Variants in UBL3 observed in about 807,000 individuals in gnomAD.
UBL3 encodes the protein ubiquitin like 3.
Under a neutral mutation model 18.4 loss-of-function variants are expected in UBL3, and 6 were observed. The ratio of observed to expected loss-of-function variants is 0.33; its 90% CI spans 0.18 to 0.64. The LOEUF is 0.64. Ranked by LOEUF, UBL3 falls within the 30% of genes least tolerant of loss-of-function variation. The pLI is 0.76. For synonymous variants in UBL3, 49 were observed against 46.6 expected (o/e 1.05, Z -0.21); for missense variants, 109 against 142.9 (o/e 0.76, Z 1.21).
chr13:29,780,929 T>A (rs1024263062), intron 1 of UBL3, among the ~76,000 whole-genome samples: 1 of 152,170 alleles, frequency 6.6e-6, no homozygotes, highest in African/African-American at 2.4e-5. Flanking sequence ...ATCCCAGCAC[T>A]TTGCGAGGCT....
chr13:29,806,380 C>A (rs1877900184), intron 1 of UBL3, among the ~76,000 whole-genome samples: 1 of 152,092 alleles, frequency 6.6e-6, no homozygotes, highest in Admixed American at 6.5e-5. Context: ...AGAAAAATAT[C>A]CAGAAAATAT....
chr13:29,813,619 A>G (rs1236332689), intron 1 of UBL3, among the ~76,000 whole-genome samples: 1 of 152,244 alleles, frequency 6.6e-6, no homozygotes, highest in Non-Finnish European at 1.5e-5. Flanking sequence ...AAATTGTATT[A>G]GTTGTAAGTA....
chr13:29,835,127 TATATATATA>T (rs1878910049), intron 1 of UBL3, among the ~76,000 whole-genome samples: 1 of 3,326 alleles, frequency 3.0e-4, no homozygotes, highest in African/African-American at 1.5e-3. Context: ...TATATATAAA[TATATATATA>T]TATATATATA....
intron 1 of UBL3, among the ~76,000 whole-genome samples, chr13:29,826,857 T>C (rs1361554878): frequency 6.6e-6 from 1 of 152,242 alleles, no homozygotes; most frequent in Non-Finnish European, 1.5e-5. Flanking sequence ...CTGCTTTAAA[T>C]GTGTCCCTGA....
chr13:29,782,581 T>C (rs1877205398), intron 1 of UBL3, among the ~76,000 whole-genome samples: 1 of 152,168 alleles, frequency 6.6e-6, no homozygotes, highest in African/African-American at 2.4e-5. Context: ...TTACTCCCCC[T>C]GGCCTGCTTC....
At chr13:29,770,441 TA>T (rs1382329273) in intron 3 of UBL3, among the ~76,000 whole-genome samples, 4 of 152,066 alleles carry the variant, frequency 2.6e-5, no homozygotes, top group African/African-American at 9.7e-5. Flanking sequence ...AAAATACTGG[TA>T]AAAAATTATA....
chr13:29,769,098 AAC>A (rs534305915), intron 3 of UBL3, among the ~76,000 whole-genome samples: 155 of 152,242 alleles, frequency 1.0e-3, no homozygotes, highest in African/African-American at 3.6e-3. Flanking sequence ...CATTAAATCA[AAC>A]AATCCAAGCA....
intron 1 of UBL3, among the ~76,000 whole-genome samples, chr13:29,826,530 G>T (rs1216166665): frequency 2.0e-5 from 3 of 152,136 alleles, no homozygotes; most frequent in Admixed American, 2.0e-4. Context: ...ATTTCTGTGG[G>T]ATCAGTGGTG....
At chr13:29,784,792 G>A (rs1464797416) in intron 1 of UBL3, among the ~76,000 whole-genome samples, 1 of 151,980 alleles carries the variant, frequency 6.6e-6, no homozygotes, top group Non-Finnish European at 1.5e-5. Context: ...GTTGGTACAG[G>A]AATCTATTTG....
intron 1 of UBL3, among the ~76,000 whole-genome samples, chr13:29,831,507 G>T (rs541099175): frequency 1.7e-4 from 26 of 151,064 alleles, no homozygotes; most frequent in African/African-American, 6.1e-4. Context: ...AGAATCGCTT[G>T]AACCAGGGAG....
In UBL3 at chr13:29,767,195, T is replaced by C; in HGVS notation, c.*60A>G. Reference sequence around the variant, plus strand: ...CGGTTTCTGAAGCAATGTCGGGTCTTTTCTGTCCCAGCAGCATGAAAGACA... The same window carrying C: ...CGGTTTCTGAAGCAATGTCGGGTCTCTTCTGTCCCAGCAGCATGAAAGACA... On this transcript the variant is annotated 3_prime_UTR_variant, in exon 5 of 5. Transcript: ENST00000380680. 3.1e-6 allele frequency: 5 copies of C among 1,598,584 alleles called. No homozygotes were observed.
intron 1 of UBL3, among the ~76,000 whole-genome samples, chr13:29,820,943 A>G (rs1028004306): frequency 6.6e-6 from 1 of 152,236 alleles, no homozygotes; most frequent in Admixed American, 6.5e-5. Flanking sequence ...TAGGCTCTGG[A>G]AACAGAATGC....
chr13:29,799,064 AC>A (rs1050810492), intron 1 of UBL3, among the ~76,000 whole-genome samples: 2 of 152,234 alleles, frequency 1.3e-5, no homozygotes, highest in African/African-American at 4.8e-5. Flanking sequence ...GGGTTTCTCA[AC>A]CTCAGCACAA....
intron 1 of UBL3, among the ~76,000 whole-genome samples, chr13:29,816,690 G>C (rs1322773756): frequency 4.7e-5 from 7 of 147,530 alleles, no homozygotes; most frequent in Non-Finnish European, 8.9e-5. Flanking sequence ...ATGAGTTCAT[G>C]GTTGCAGTAA....
intron 1 of UBL3, among the ~76,000 whole-genome samples, chr13:29,796,079 A>C (rs981253857): frequency 1.9e-4 from 29 of 152,162 alleles, no homozygotes; most frequent in African/African-American, 6.5e-4. Flanking sequence ...ACCGCAAAGG[A>C]AGAAGCATGT....
intron 1 of UBL3, among the ~76,000 whole-genome samples, chr13:29,830,166 G>A (rs1406888977): frequency 6.6e-6 from 1 of 152,058 alleles, no homozygotes; most frequent in Non-Finnish European, 1.5e-5. Context: ...GTCCATCCTG[G>A]GATAGCCACT....
chr13:29,779,652 C>A (rs1877095128), intron 1 of UBL3, among the ~76,000 whole-genome samples: 1 of 152,114 alleles, frequency 6.6e-6, no homozygotes, highest in Non-Finnish European at 1.5e-5. Context: ...CATGGAAATC[C>A]ATGCAGCTGT....
At chr13:29,812,763 G>A (rs903500271) in intron 1 of UBL3, among the ~76,000 whole-genome samples, 1 of 151,882 alleles carries the variant, frequency 6.6e-6, no homozygotes, top group Non-Finnish European at 1.5e-5. Flanking sequence ...TCTGACATCT[G>A]AATTCAGATG....
chr13:29,773,954 T>C (rs1876914825), intron 2 of UBL3, among the ~76,000 whole-genome samples: 1 of 152,174 alleles, frequency 6.6e-6, no homozygotes, highest in Non-Finnish European at 1.5e-5. Context: ...TTAACATCAA[T>C]AAGTATTTAA....
Sources: allele counts gnomAD v4.1 joint callset (sites outside exome capture counted in the v4.1 genomes callset), GRCh38; gene constraint gnomAD v4.1.1; transcripts MANE v1.5; gene names NCBI Gene and HGNC (gene_info 2026-07-23, HGNC 2026-07-21).